RBFOX1: variants seen among roughly 807,000 people sequenced by gnomAD.
RBFOX1 encodes RNA binding fox-1 homolog 1.
RBFOX1 carries 8 observed loss-of-function variants against 57.7 expected under a neutral mutation model. That is an observed-to-expected ratio of 0.14 (90% CI 0.08 to 0.25). The LOEUF is 0.25. Ranked by LOEUF, RBFOX1 falls within the 10% of genes least tolerant of loss-of-function variation. The probability of loss-of-function intolerance (pLI) is 1.00; values close to 1 mark genes in which losing one functional copy is unlikely to be tolerated. For missense variants in RBFOX1, 611 were observed against 548.5 expected, an observed-to-expected ratio of 1.11 and a Z score of -1.14; for synonymous variants, 326 against 222.4, an observed-to-expected ratio of 1.47 and a Z score of -4.15.
chr16:6,874,702 G>A (rs971305535), intron 3 of RBFOX1, among the ~76,000 whole-genome samples: 10 of 151,540 alleles, frequency 6.6e-5, no homozygotes, highest in Non-Finnish European at 7.4e-5. Flanking sequence ...ACATATTCTC[G>A]CTTATAAGTG....
At chr16:7,522,151 T>A (rs994345628) in intron 5 of RBFOX1, among the ~76,000 whole-genome samples, 4 of 152,208 alleles carry the variant, frequency 2.6e-5, no homozygotes, top group Admixed American at 1.3e-4. Flanking sequence ...GAGTTCATGA[T>A]GAGATGCCTT....
intron 2 of RBFOX1, among the ~76,000 whole-genome samples, chr16:6,481,855 A>T (rs1056377940): frequency 6.6e-5 from 10 of 152,214 alleles, no homozygotes; most frequent in African/African-American, 2.4e-4. Flanking sequence ...GAATTTTGTT[A>T]ACTCTGCAAG....
chr16:6,009,816 C>CTGTG (rs148472437), intron 4 of RBFOX1, among the ~76,000 whole-genome samples: 13 of 148,532 alleles, frequency 8.8e-5, no homozygotes, highest in South Asian at 6.5e-4. Context: ...GTGTGTGTGT[C>CTGTG]TGTGTGTGTG....
chr16:5,526,782 C>T (rs928812070), intron 2 of RBFOX1, among the ~76,000 whole-genome samples: 2 of 152,222 alleles, frequency 1.3e-5, no homozygotes, highest in African/African-American at 2.4e-5. Flanking sequence ...GCCTGGCACA[C>T]ACTAGTGTCC....
intron 1 of RBFOX1, among the ~76,000 whole-genome samples, chr16:6,056,764 C>A (rs1049416722): frequency 6.6e-6 from 1 of 151,696 alleles, no homozygotes; most frequent in Non-Finnish European, 1.5e-5. Flanking sequence ...ATCACACTCC[C>A]TTTTGAGTGT....
intron 5 of RBFOX1, among the ~76,000 whole-genome samples, chr16:7,526,461 T>G (rs898749069): frequency 6.6e-6 from 1 of 152,196 alleles, no homozygotes; most frequent in Non-Finnish European, 1.5e-5. Context: ...TCTGCTCTTA[T>G]TTTTTCTATA....
intron 4 of RBFOX1, among the ~76,000 whole-genome samples, chr16:5,926,261 C>T (rs1464720433): frequency 6.6e-6 from 1 of 152,194 alleles, no homozygotes. Flanking sequence ...TCTGAGTCTC[C>T]TGCCTGCATT....
chr16:6,304,588 A>G (rs1269294126), intron 1 of RBFOX1, among the ~76,000 whole-genome samples: 1 of 152,084 alleles, frequency 6.6e-6, no homozygotes, highest in Non-Finnish European at 1.5e-5. Flanking sequence ...GTTACTTAGA[A>G]TTGCTGTGTT....
At chr16:7,194,540 C>A (rs1179238331) in intron 4 of RBFOX1, among the ~76,000 whole-genome samples, 1 of 152,140 alleles carries the variant, frequency 6.6e-6, no homozygotes, top group Non-Finnish European at 1.5e-5. Context: ...CAAACAGATA[C>A]TCATTACTAA....
intron 4 of RBFOX1, among the ~76,000 whole-genome samples, chr16:7,083,260 C>T (rs958026357): frequency 6.6e-6 from 1 of 151,942 alleles, no homozygotes; most frequent in African/African-American, 2.4e-5. Flanking sequence ...ACACCTCCCA[C>T]ACTTGATTAA....
chr16:5,587,646 G>T (rs1188462843), intron 2 of RBFOX1, among the ~76,000 whole-genome samples: 2 of 152,228 alleles, frequency 1.3e-5, no homozygotes, highest in Non-Finnish European at 2.9e-5. Flanking sequence ...CCAGGAGGCA[G>T]AGGTTGCAGT....
intron 3 of RBFOX1, among the ~76,000 whole-genome samples, chr16:6,811,041 A>T (rs1220933429): frequency 6.6e-6 from 1 of 152,202 alleles, no homozygotes; most frequent in African/African-American, 2.4e-5. Context: ...AAAACTGATG[A>T]TGATAAGATA....
chr16:5,925,131 C>G (rs112278269), intron 4 of RBFOX1, among the ~76,000 whole-genome samples: 13 of 152,226 alleles, frequency 8.5e-5, no homozygotes, highest in African/African-American at 2.9e-4. Flanking sequence ...CCTCAGATCC[C>G]GATGCCTCTG....
intron 1 of RBFOX1, among the ~76,000 whole-genome samples, chr16:6,123,875 C>T (rs2096569482): frequency 6.6e-6 from 1 of 152,022 alleles, no homozygotes; most frequent in Admixed American, 6.6e-5. Flanking sequence ...ACTGCCTGGG[C>T]AACAGAGCGA....
chr16:6,979,810 A>G (rs1414168749), intron 3 of RBFOX1, among the ~76,000 whole-genome samples: 1 of 152,150 alleles, frequency 6.6e-6, no homozygotes, highest in Non-Finnish European at 1.5e-5. Flanking sequence ...TCTCCTGCCT[A>G]CAGAAATGCC....
chr16:6,953,958 C>A (rs906242298), intron 3 of RBFOX1, among the ~76,000 whole-genome samples: 1 of 152,074 alleles, frequency 6.6e-6, no homozygotes, highest in Non-Finnish European at 1.5e-5. Context: ...CTCTTATTTA[C>A]AAAAGTGTTT....
chr16:7,447,662 G>A (rs1202644472), intron 4 of RBFOX1, among the ~76,000 whole-genome samples: 2 of 152,132 alleles, frequency 1.3e-5, no homozygotes, highest in Non-Finnish European at 2.9e-5. Context: ...TGCATCTTCA[G>A]CTCTTCCTGT....
chr16:5,481,567 G>C (rs1402962712), intron 2 of RBFOX1, among the ~76,000 whole-genome samples: 1 of 152,154 alleles, frequency 6.6e-6, no homozygotes, highest in Non-Finnish European at 1.5e-5. Flanking sequence ...ATCTCTACAT[G>C]ATGCATAGAT....
intron 3 of RBFOX1, among the ~76,000 whole-genome samples, chr16:6,960,755 G>C (rs1471767370): frequency 2.0e-5 from 3 of 151,956 alleles, no homozygotes; most frequent in African/African-American, 7.3e-5. Context: ...ACAGAACTCA[G>C]ACTTTGAGCT....
Sources: allele counts gnomAD v4.1 joint callset (sites outside exome capture counted in the v4.1 genomes callset), GRCh38; gene constraint gnomAD v4.1.1; transcripts MANE v1.5; gene names NCBI Gene and HGNC (gene_info 2026-07-23, HGNC 2026-07-21).